INSL6: variants seen among roughly 807,000 people sequenced by gnomAD.
INSL6 encodes the protein insulin like 6, also known as insulin-like peptide INSL6.
INSL6 carries 16 observed loss-of-function variants against 9.4 expected under a neutral mutation model. The observed-to-expected ratio is 1.70, with a 90% CI of 1.15 to 2.59. INSL6 has a LOEUF of 2.59. INSL6 is among the 30% of genes most tolerant of loss of function. The pLI, the probability that INSL6 is intolerant of heterozygous loss-of-function variation, is 0.00. For missense variants in INSL6, 391 were observed against 257.3 expected (o/e 1.52, Z -3.56); for synonymous variants, 154 against 96.9 (o/e 1.59, Z -3.46).
the INSL6 span, among the ~76,000 whole-genome samples, chr9:5,049,031 A>G: frequency 6.6e-6 from 1 of 152,200 alleles, no homozygotes; most frequent in African/African-American, 2.4e-5. Flanking sequence ...TCAAAATCGT[A>G]GAACCTCTGT....
At chr9:5,048,096 A>G in the INSL6 span, among the ~76,000 whole-genome samples, 1 of 152,050 alleles carries the variant, frequency 6.6e-6, no homozygotes, top group South Asian at 2.1e-4. Context: ...CATGACTTCC[A>G]TAGAATTTCC....
rs994783034 is a variant in INSL6, at chr9:5,164,146, T to C, written c.409A>G (p.Ile137Val). 1.9e-6 allele frequency: 3 copies of C among 1,608,518 alleles called. No homozygotes were observed. The highest frequency in any genetic ancestry group is 2.7e-5 in the African/African-American group (2 of 74,690). Residue 137 changes from isoleucine (I) to valine (V), a missense_variant, in exon 2 of 2, where the codon ATC becomes GTC. Physicochemically the swap from Ile to Val is conservative, Grantham distance 29. Transcript: ENST00000381641. ...GCATTCTCATGAATATATACATTGA[T>C]ATTATGTGATGAAGAAAATTCTCTT... ...KTREFSSSHN[I>V]NVYIHENAKF...
chr9:4,996,685 T>G, the INSL6 span, among the ~76,000 whole-genome samples: 1 of 151,782 alleles, frequency 6.6e-6, no homozygotes, highest in East Asian at 1.9e-4. Flanking sequence ...AAAAAAAAAT[T>G]ATCCTTGCCT....
chr9:5,042,993 G>A, the INSL6 span, among the ~76,000 whole-genome samples: 1 of 152,230 alleles, frequency 6.6e-6, no homozygotes, highest in African/African-American at 2.4e-5. Context: ...TGAGGGGGGT[G>A]GGCCGGCTGG....
At position 5,136,858 on chromosome 9, in the gene INSL6, A is replaced by G. The variant is rs566789225; in HGVS notation, c.377-3266T>C. Among the ~76,000 whole-genome samples the G allele has an allele frequency of 1.2e-4, 19 of 152,362 alleles. 1 individual carries two copies. Among genetic ancestry groups the G allele is most frequent in the African/African-American group, 3.8e-4 (16 of 41,586 alleles). ...CTCTGTTTGCAGATGACATGATTGT[A>G]TATTTGGAAAACCCCATCGTCTCAG... On this transcript the variant is annotated intron_variant, in intron 2 of 3. Transcript: ENST00000649639.
At chr9:5,028,256 G>A in the INSL6 span, among the ~76,000 whole-genome samples, 3 of 152,160 alleles carry the variant, frequency 2.0e-5, no homozygotes, top group Admixed American at 2.0e-4. Context: ...AGAGCTCTTG[G>A]GTGACCAGGT....
chr9:5,057,580 C>CTTTTTTT, the INSL6 span, among the ~76,000 whole-genome samples: 15 of 116,796 alleles, frequency 1.3e-4, no homozygotes, highest in East Asian at 2.3e-4. Flanking sequence ...ATTCTACTTT[C>CTTTTTTT]TTTTTTTTTT....
the INSL6 span, among the ~76,000 whole-genome samples, chr9:5,078,731 T>C: frequency 2.2e-4 from 34 of 152,338 alleles, 1 homozygote; most frequent in Middle Eastern, 3.4e-3. Context: ...AGTTTTGTAA[T>C]ATTCCTTGAG....
At chr9:5,056,145 T>C in the INSL6 span, among the ~76,000 whole-genome samples, 12 of 152,118 alleles carry the variant, frequency 7.9e-5, no homozygotes, top group Admixed American at 7.9e-4. Context: ...GTGCCAGTTA[T>C]ACTGCCTAAT....
At chr9:5,009,416 T>G in the INSL6 span, among the ~76,000 whole-genome samples, 3 of 152,144 alleles carry the variant, frequency 2.0e-5, no homozygotes, top group African/African-American at 7.2e-5. Context: ...ATGCCCAGGC[T>G]GTCTTCATTA....
the INSL6 span, chr9:5,041,190 A>G: frequency 2.9e-6 from 4 of 1,401,244 alleles, no homozygotes; most frequent in Non-Finnish European, 4.0e-6. Flanking sequence ...CTCATTTACC[A>G]GGACGTGAAG....
At chr9:5,069,586 G>A in the INSL6 span, among the ~76,000 whole-genome samples, 2 of 152,014 alleles carry the variant, frequency 1.3e-5, no homozygotes, top group South Asian at 2.1e-4. Context: ...TTGAAATAAT[G>A]AGCCTTACTA....
At chr9:5,127,033 T>C (rs1288980331) in intron 3 of INSL6, 1 of 299,222 alleles carries the variant, frequency 3.3e-6, no homozygotes, top group African/African-American at 2.1e-5. Context: ...TCTTAAACAT[T>C]GTCAGTTAAC....
the INSL6 span, chr9:5,041,881 C>T: frequency 2.3e-6 from 1 of 428,812 alleles, no homozygotes; most frequent in Admixed American, 3.1e-5. Flanking sequence ...CACTCCAGCG[C>T]CCATCAGGGC....
intron 1 of INSL6, among the ~76,000 whole-genome samples, chr9:5,173,997 T>C (rs1177203825): frequency 3.3e-5 from 5 of 152,186 alleles, no homozygotes; most frequent in Admixed American, 6.5e-5. Flanking sequence ...TACACCCATA[T>C]ACTCTCCCTT....
At chr9:5,054,994 A>T in the INSL6 span, 1 of 755,418 alleles carries the variant, frequency 1.3e-6, no homozygotes, top group Non-Finnish European at 2.1e-6. The surrounding 1 kb of genome is among the most constrained non-coding windows in gnomAD (Gnocchi z 4.9). Context: ...CCCATTTGAT[A>T]GAAGTGGAAG....
the INSL6 span, among the ~76,000 whole-genome samples, chr9:5,086,565 C>G: frequency 6.6e-6 from 1 of 152,112 alleles, no homozygotes; most frequent in African/African-American, 2.4e-5. Context: ...TTACCTCCTG[C>G]CATTATTTTG....
the INSL6 span, among the ~76,000 whole-genome samples, chr9:5,092,578 A>T: frequency 6.6e-6 from 1 of 152,220 alleles, no homozygotes; most frequent in East Asian, 1.9e-4. Flanking sequence ...TTATCTTGGC[A>T]CAATAGATAC....
chr9:5,161,053 G>A (rs927941009), downstream of INSL6, among the ~76,000 whole-genome samples: 4 of 152,096 alleles, frequency 2.6e-5, no homozygotes, highest in Non-Finnish European at 5.9e-5. Flanking sequence ...CCAAAAAGTA[G>A]ACGTGGAGGG....
Sources: allele counts gnomAD v4.1 joint callset (sites outside exome capture counted in the v4.1 genomes callset), GRCh38; gene constraint gnomAD v4.1.1; non-coding constraint Gnocchi (gnomAD v3.1); transcripts MANE v1.5; gene names NCBI Gene and HGNC (gene_info 2026-07-23, HGNC 2026-07-21).